Variants in NOX4 observed in about 807,000 individuals in gnomAD.
The protein encoded by NOX4 is NADPH oxidase 4.
Under a neutral mutation model 87.6 loss-of-function variants are expected in NOX4, and 69 were observed. The ratio of observed to expected loss-of-function variants is 0.79; its 90% confidence interval spans 0.65 to 0.96. The LOEUF is 0.96. Among genes scored for constraint, NOX4 ranks in the 40% least tolerant of loss-of-function variants. The pLI, the probability that NOX4 is intolerant of heterozygous loss-of-function variation, is 0.00. For missense variants in NOX4, 680 were observed against 681.5 expected (o/e 1.00, Z 0.02); for synonymous variants, 275 against 238.2 (o/e 1.15, Z -1.42).
chr11:89,365,929 G>A (rs11018593), intron 12 of NOX4, among the ~76,000 whole-genome samples: 42 of 152,090 alleles, frequency 2.8e-4, no homozygotes, highest in African/African-American at 9.9e-4. Context: ...CTTGGCCGAA[G>A]ACCAAGACTA....
chr11:89,382,163 C>T (rs896153375), intron 11 of NOX4, among the ~76,000 whole-genome samples: 5 of 151,952 alleles, frequency 3.3e-5, no homozygotes, highest in African/African-American at 1.2e-4. Context: ...AGGTACCCCC[C>T]ACCCCTTCTC....
the NOX4 span, among the ~76,000 whole-genome samples, chr11:89,540,115 C>A: frequency 6.6e-6 from 1 of 152,122 alleles, no homozygotes. Flanking sequence ...TGTCCTCATA[C>A]ATGCAACATA....
At chr11:89,382,430 T>A (rs1217476092) in intron 11 of NOX4, among the ~76,000 whole-genome samples, 1 of 151,470 alleles carries the variant, frequency 6.6e-6, no homozygotes, top group South Asian at 2.1e-4. Flanking sequence ...ATAATTTTTG[T>A]CGTAAAATGG....
intron 7 of NOX4, among the ~76,000 whole-genome samples, chr11:89,423,897 A>T (rs1477726796): frequency 1.3e-5 from 2 of 151,888 alleles, no homozygotes; most frequent in African/African-American, 2.4e-5. Context: ...TTACGAAAAA[A>T]TAAATACAAT....
intron 2 of NOX4, among the ~76,000 whole-genome samples, chr11:89,465,824 GT>G (rs796891669): frequency 0.021 from 3,058 of 144,598 alleles, 157 homozygotes; most frequent in African/African-American, 0.078. Context: ...TTATGATGGG[GT>G]TTTTTTTTTC....
chr11:89,574,821 A>G, the NOX4 span, among the ~76,000 whole-genome samples: 16 of 152,212 alleles, frequency 1.1e-4, no homozygotes, highest in African/African-American at 3.6e-4. Context: ...ATGAAGACAG[A>G]CACATTTTCC....
chr11:89,355,401 T>C lies in NOX4; in HGVS notation c.1136-358A>G, dbSNP rs953321556. On this transcript the variant is annotated intron_variant, in intron 12 of 17. Coordinates refer to ENST00000263317, the MANE Select transcript of NOX4 (RefSeq NM_016931.5). ...GTTATATTTATCCTATAAATATACATAATATATACATTTCTACATATAGAT... is the reference window on the plus strand; with the variant it reads ...GTTATATTTATCCTATAAATATACACAATATATACATTTCTACATATAGAT... Among the ~76,000 whole-genome samples, 8 of 149,184 alleles carry C rather than the reference T, an allele frequency of 5.4e-5. No individual in the cohort carries two copies. The South Asian group carries it at 6.3e-4, about 12-fold the overall frequency.
At chr11:89,444,473 A>G (rs1336092548) in intron 4 of NOX4, among the ~76,000 whole-genome samples, 1 of 147,620 alleles carries the variant, frequency 6.8e-6, no homozygotes, top group African/African-American at 2.5e-5. Flanking sequence ...AGAAACACAC[A>G]CACACACACA....
chr11:89,468,083 T>G (rs1219441638), intron 2 of NOX4, among the ~76,000 whole-genome samples: 1 of 152,202 alleles, frequency 6.6e-6, no homozygotes, highest in East Asian at 1.9e-4. Flanking sequence ...TAGCTCATAC[T>G]GTACCTCCCA....
chr11:89,573,383 C>CA, the NOX4 span, among the ~76,000 whole-genome samples: 3 of 152,038 alleles, frequency 2.0e-5, no homozygotes, highest in African/African-American at 4.8e-5. Context: ...AAAAAAAGTA[C>CA]AAAAAATTAG....
At chr11:89,393,853 C>T (rs554095563) in intron 11 of NOX4, among the ~76,000 whole-genome samples, 1 of 152,230 alleles carries the variant, frequency 6.6e-6, no homozygotes, top group African/African-American at 2.4e-5. Flanking sequence ...GTTCTAAAAT[C>T]CTTGCCCTTT....
chr11:89,407,074 C>T (rs1273003418), intron 8 of NOX4, among the ~76,000 whole-genome samples: 1 of 152,084 alleles, frequency 6.6e-6, no homozygotes, highest in Non-Finnish European at 1.5e-5. Context: ...TACATTCATA[C>T]TCACTGCCAA....
chr11:89,341,419 G>A (rs189163845), intron 14 of NOX4, among the ~76,000 whole-genome samples: 99 of 152,064 alleles, frequency 6.5e-4, no homozygotes, highest in Non-Finnish European at 9.1e-4. Flanking sequence ...CAATGTGCCC[G>A]GCCACAATTT....
At chr11:89,429,183 C>G (rs527647271) in intron 7 of NOX4, among the ~76,000 whole-genome samples, 1 of 152,060 alleles carries the variant, frequency 6.6e-6, no homozygotes. Flanking sequence ...CACAACATAC[C>G]AGAATCTCTG....
intron 11 of NOX4, among the ~76,000 whole-genome samples, chr11:89,376,527 T>C (rs746654079): frequency 2.6e-5 from 4 of 152,188 alleles, no homozygotes; most frequent in Admixed American, 6.6e-5. Flanking sequence ...GATATGCTTA[T>C]GGCAATTTTT....
At chr11:89,456,790 G>C (rs190394570) in intron 2 of NOX4, among the ~76,000 whole-genome samples, 2 of 152,274 alleles carry the variant, frequency 1.3e-5, no homozygotes, top group Admixed American at 1.3e-4. Flanking sequence ...CACAGGGTTT[G>C]GGACAGGAAC....
chr11:89,396,189 G>C (rs1591109247), intron 11 of NOX4, among the ~76,000 whole-genome samples: 2 of 152,128 alleles, frequency 1.3e-5, no homozygotes, highest in Admixed American at 6.6e-5. Flanking sequence ...TTGAGCAGTG[G>C]TTTGTAGTTC....
chr11:89,465,129 T>A (rs887034002), intron 2 of NOX4, among the ~76,000 whole-genome samples: 2 of 152,128 alleles, frequency 1.3e-5, no homozygotes, highest in African/African-American at 2.4e-5. Flanking sequence ...CCTAATGCTA[T>A]CCCTCCCCTA....
chr11:89,421,423 T>G (rs1207192250), intron 8 of NOX4, among the ~76,000 whole-genome samples: 1 of 152,138 alleles, frequency 6.6e-6, no homozygotes, highest in Non-Finnish European at 1.5e-5. Flanking sequence ...TTTTCCTTGG[T>G]GATTTTGACA....
Sources: gnomAD v4.1 joint callset for allele counts (sites outside exome capture counted in the v4.1 genomes callset) on GRCh38, gnomAD v4.1.1 for gene constraint, MANE v1.5 for transcripts, NCBI Gene and HGNC (gene_info 2026-07-23, HGNC 2026-07-21) for gene names.